Variants in F8 observed in about 807,000 individuals in gnomAD.
The protein encoded by F8 is coagulation factor VIII.
Under a neutral mutation model 140.6 loss-of-function variants are expected in F8, and 12 were observed. The ratio of observed to expected loss-of-function variants is 0.09; its 90% CI spans 0.05 to 0.14. The LOEUF is 0.14. F8 is among the 10% of genes least tolerant of loss of function. The pLI is 1.00. For synonymous variants in F8, 585 were observed against 614.6 expected (o/e 0.95, Z 0.71); for missense variants, 1,354 against 1,720.7 (o/e 0.79, Z 3.77).
chrX:154,997,416 T>G (rs1256470091), intron 2 of F8, among the ~76,000 whole-genome samples: 3 of 111,942 alleles, frequency 2.7e-5, no homozygotes, highest in African/African-American at 9.7e-5. Flanking sequence ...CATAAAGAAA[T>G]AAATAAGAAA....
intron 25 of F8, among the ~76,000 whole-genome samples, chrX:154,854,629 C>T (rs1417740215): frequency 9.4e-6 from 1 of 106,030 alleles, no homozygotes; most frequent in African/African-American, 3.4e-5. Flanking sequence ...TATGTATCTC[C>T]TCTTGGTTCT....
At chrX:154,953,842 C>G (rs991392341) in intron 12 of F8, 50 bp downstream of exon 12, 1 of 1,194,006 alleles carries the variant, frequency 8.4e-7, no homozygotes, top group Non-Finnish European at 1.1e-6. Flanking sequence ...TTGATTACAT[C>G]AATTTTTCTT....
chrX:155,002,612 TACACACACAC>T (rs368675926), intron 1 of F8, among the ~76,000 whole-genome samples: 5 of 98,631 alleles, frequency 5.1e-5, no homozygotes, highest in East Asian at 3.1e-4. Context: ...GGCATATATT[TACACACACAC>T]ACACACACAC....
intron 25 of F8, among the ~76,000 whole-genome samples, chrX:154,851,634 T>C (rs2072616266): frequency 8.9e-6 from 1 of 111,780 alleles, no homozygotes; most frequent in South Asian, 3.7e-4. Flanking sequence ...CATTGTGGTT[T>C]TGATTTGCAT....
chrX:154,935,316 T>C (rs954810948), intron 13 of F8, among the ~76,000 whole-genome samples: 3 of 112,148 alleles, frequency 2.7e-5, no homozygotes, highest in Non-Finnish European at 5.6e-5. Context: ...GAATTAGCTA[T>C]AAGAATTTAT....
intron 1 of F8, among the ~76,000 whole-genome samples, chrX:155,007,546 G>C (rs2073682932): frequency 8.9e-6 from 1 of 112,166 alleles, no homozygotes; most frequent in Admixed American, 9.3e-5. Context: ...TCACATAGCA[G>C]GAAGTGAGCA....
intron 13 of F8, among the ~76,000 whole-genome samples, chrX:154,946,180 C>T (rs1557280276): frequency 1.8e-5 from 2 of 111,738 alleles, no homozygotes; most frequent in Non-Finnish European, 3.8e-5. Context: ...TAATGTAATA[C>T]CTATCCAAAT....
At chrX:154,847,285 T>C (rs1169486212) in intron 25 of F8, among the ~76,000 whole-genome samples, 2 of 110,360 alleles carry the variant, frequency 1.8e-5, no homozygotes, top group African/African-American at 6.6e-5. Flanking sequence ...TCTCAAGGAG[T>C]ATCTTTGTGG....
chrX:154,990,541 A>G (rs782776556), intron 4 of F8, among the ~76,000 whole-genome samples: 2 of 111,968 alleles, frequency 1.8e-5, no homozygotes, highest in Non-Finnish European at 3.8e-5. Flanking sequence ...CTATCTCACA[A>G]TGTTCTATCT....
In F8 at chrX:154,919,602, G is replaced by C. The variant is rs913249227; in HGVS notation, c.5219+8969C>G. On this transcript the variant is annotated intron_variant, in intron 14 of 25. Coordinates refer to ENST00000360256, the MANE Select transcript of F8 (RefSeq NM_000132.4). ...CTTGGACCCTAAAGTGCATCTGCTT[G>C]GTGGCATTGTTCTTCATTTCTGTCT... The C allele has an allele frequency of 2.6e-5, 21 of 796,588 alleles. No homozygotes were observed. The East Asian group carries it at 8.2e-4, about 31-fold the overall frequency. The allele number at this position is 796,588 out of a possible 1,213,427, so 65.6% of individuals were successfully genotyped here. A position where few individuals can be genotyped will look rare whatever the true frequency, so the allele number is the denominator to read the frequency against.
chrX:154,929,850 T>C lies in F8; in HGVS notation c.3940A>G (p.Thr1314Ala), dbSNP rs1557278539. The C allele has an allele frequency of 5.8e-6, 7 of 1,210,091 alleles. No homozygotes were observed. Among genetic ancestry groups the C allele is most frequent in the Non-Finnish European group, 7.8e-6 (7 of 895,026 alleles). Residue 1314 changes from threonine to alanine, a missense_variant, in exon 14 of 26, where the codon ACA (threonine) becomes GCA (alanine). Thr to Ala is a moderately conservative substitution (Grantham distance 58). This residue lies in a region of F8 where 658 missense variants were observed against 666.5 expected (regional missense o/e 0.99). Coordinates refer to ENST00000360256, the MANE Select transcript of F8 (RefSeq NM_000132.4). The stretch of plus-strand genomic sequence containing the variant: ...TGGCTTGTATTAGGAGATATCCTTG[T>C]GGTGCATGCATATTTCTCTACAATT... ...KQIVEKYACT[T>A]RISPNTSQQN...
intron 9 of F8, among the ~76,000 whole-genome samples, chrX:154,963,497 T>G (rs1038732062): frequency 2.7e-5 from 3 of 111,932 alleles, no homozygotes; most frequent in Non-Finnish European, 5.6e-5. Flanking sequence ...TTGTGAGTAG[T>G]GCCGCAATAA....
intron 14 of F8, among the ~76,000 whole-genome samples, chrX:154,916,555 A>G (rs2073098815): frequency 9.0e-6 from 1 of 110,852 alleles, no homozygotes; most frequent in African/African-American, 3.3e-5. Context: ...AAATTTATCC[A>G]TTTCTTCTAG....
chrX:154,969,649 T>C, intron 6 of F8, 97 bp from the exon 7 acceptor site: 2 of 761,929 alleles, frequency 2.6e-6, no homozygotes, highest in East Asian at 6.4e-5. Context: ...CTTTAGACAC[T>C]TTATTGCTAC....
intron 6 of F8, among the ~76,000 whole-genome samples, chrX:154,975,624 T>G (rs924079082): frequency 8.9e-6 from 1 of 112,193 alleles, no homozygotes; most frequent in African/African-American, 3.2e-5. Context: ...GTTGATATTT[T>G]GTCTGGATGA....
intron 22 of F8, among the ~76,000 whole-genome samples, chrX:154,879,572 T>C (rs988640600): frequency 8.9e-5 from 10 of 112,431 alleles, no homozygotes; most frequent in African/African-American, 3.2e-4. Flanking sequence ...TTACGTTATA[T>C]GATTTTGCCC....
At chrX:154,955,037 G>T (rs1171994540) in intron 11 of F8, among the ~76,000 whole-genome samples, 1 of 110,312 alleles carries the variant, frequency 9.1e-6, no homozygotes, top group Non-Finnish European at 1.9e-5. Context: ...TTTTTGTGAA[G>T]AACTAAGCTT....
intron 25 of F8, among the ~76,000 whole-genome samples, chrX:154,852,756 T>C (rs2072625501): frequency 9.0e-6 from 1 of 111,152 alleles, no homozygotes; most frequent in Non-Finnish European, 1.9e-5. Flanking sequence ...GTCTTTGGGA[T>C]TCTGATAGAG....
chrX:154,942,671 G>T (rs1485413124), intron 13 of F8, among the ~76,000 whole-genome samples: 2 of 111,078 alleles, frequency 1.8e-5, no homozygotes, highest in Admixed American at 9.5e-5. Context: ...ATTTTATGAG[G>T]CCAGCATCAT....
Sources: gnomAD v4.1 joint callset for allele counts (sites outside exome capture counted in the v4.1 genomes callset) on GRCh38, gnomAD v4.1.1 for gene constraint, gnomAD v4.1.1 regional missense constraint, MANE v1.5 for transcripts, NCBI Gene and HGNC (gene_info 2026-07-23, HGNC 2026-07-21) for gene names.